Variants in NRK observed in about 807,000 individuals in gnomAD.
NRK encodes nik-related protein kinase.
In NRK, 67 loss-of-function variants were observed where a neutral mutation model predicts 125.2. The observed-to-expected ratio is 0.54, with a 90% CI of 0.44 to 0.66. NRK has a LOEUF of 0.66. NRK is among the 30% of genes least tolerant of loss of function. The probability of loss-of-function intolerance (pLI) is 0.00; values close to 1 mark genes in which losing one functional copy is unlikely to be tolerated. For missense variants in NRK, 1,224 were observed against 1,192.9 expected (o/e 1.03, Z -0.38); for synonymous variants, 458 against 429.0 (o/e 1.07, Z -0.84).
intron 2 of NRK, among the ~76,000 whole-genome samples, chrX:105,845,140 A>G (rs2147658465): frequency 8.9e-6 from 1 of 111,777 alleles, no homozygotes; most frequent in Non-Finnish European, 1.9e-5. Context: ...CTTGCCCTCT[A>G]TTTGCATTGA....
intron 16 of NRK, among the ~76,000 whole-genome samples, chrX:105,918,103 C>T: frequency 9.0e-6 from 1 of 111,031 alleles, no homozygotes; most frequent in Non-Finnish European, 1.9e-5. Context: ...CAAAATAGGA[C>T]AATATCTGAT....
intron 2 of NRK, among the ~76,000 whole-genome samples, chrX:105,860,756 C>T (rs1286611846): frequency 9.1e-6 from 1 of 110,395 alleles, no homozygotes; most frequent in African/African-American, 3.3e-5. Flanking sequence ...TTGCACCAAC[C>T]TAATAGTTTT....
intron 2 of NRK, 115 bp from the exon 3 acceptor site, chrX:105,880,084 A>G (rs2039866192): frequency 1.9e-5 from 5 of 269,457 alleles, no homozygotes; most frequent in African/African-American, 2.9e-5. Flanking sequence ...TATATTTTAT[A>G]TTTTATAACA....
intron 1 of NRK, among the ~76,000 whole-genome samples, chrX:105,823,180 A>AT (rs1187779509): frequency 3.6e-5 from 4 of 112,433 alleles, no homozygotes; most frequent in African/African-American, 1.3e-4. Flanking sequence ...ACAGCGGGGC[A>AT]TTTTAAATAT....
chrX:105,822,062 G>A (rs1169664289), upstream of NRK, among the ~76,000 whole-genome samples: 1 of 112,521 alleles, frequency 8.9e-6, no homozygotes, highest in Non-Finnish European at 1.9e-5. Flanking sequence ...AACTCGGTAG[G>A]TCTTTGCAAG....
intron 26 of NRK, among the ~76,000 whole-genome samples, chrX:105,947,323 G>T (rs2040827482): frequency 1.3e-5 from 1 of 75,453 alleles, no homozygotes; most frequent in Non-Finnish European, 2.3e-5. Context: ...GGCGCCTGTA[G>T]TCCCAGCTCC....
chrX:105,949,464 C>T (rs1602706253), intron 26 of NRK, 111 bp from the exon 27 acceptor site: 1 of 476,941 alleles, frequency 2.1e-6, no homozygotes, highest in Non-Finnish European at 3.5e-6. Context: ...GTTTCTCTTC[C>T]TCCTTGCTCT....
At chrX:105,911,897 TAA>T (rs955712202) in intron 13 of NRK, among the ~76,000 whole-genome samples, 4 of 111,640 alleles carry the variant, frequency 3.6e-5, no homozygotes, top group African/African-American at 1.3e-4. Flanking sequence ...CTAAAATTTT[TAA>T]AAGTCAATAA....
chrX:105,929,459 AC>A (rs2147777531), intron 19 of NRK, among the ~76,000 whole-genome samples: 1 of 109,401 alleles, frequency 9.1e-6, no homozygotes, highest in South Asian at 3.9e-4. Flanking sequence ...TTACTTTTTA[AC>A]TGTTCTACTA....
At chrX:105,844,662 CT>C (rs962583394) in intron 2 of NRK, among the ~76,000 whole-genome samples, 2 of 111,418 alleles carry the variant, frequency 1.8e-5, no homozygotes, top group Non-Finnish European at 3.8e-5. Flanking sequence ...ATTTCCTCTC[CT>C]TTTTTGAATC....
In NRK at chrX:105,852,011, T is replaced by A. The variant is rs186871804; in HGVS notation, c.123+20892T>A. 3.8e-3 allele frequency among the ~76,000 whole-genome samples: 430 copies of A among 112,136 alleles called. 3 individuals are homozygous for A. Among genetic ancestry groups the A allele is most frequent in the African/African-American group, 0.013 (403 of 30,917 alleles). Reference sequence around the variant, plus strand: ...GTGAAGAGAAAGCACACACTGTATATTCAAAGCAACTGTTCGAGTTTATTT... The same window carrying A: ...GTGAAGAGAAAGCACACACTGTATAATCAAAGCAACTGTTCGAGTTTATTT... On this transcript the variant is annotated intron_variant, in intron 2 of 28. Coordinates refer to ENST00000243300, the MANE Select transcript of NRK (RefSeq NM_198465.4).
intron 1 of NRK, among the ~76,000 whole-genome samples, chrX:105,828,291 A>G (rs2039142086): frequency 8.9e-6 from 1 of 111,988 alleles, no homozygotes; most frequent in Non-Finnish European, 1.9e-5. Flanking sequence ...AGTATGAAAG[A>G]TGGTTTGGTC....
chrX:105,853,056 G>A (rs990235145), intron 2 of NRK, among the ~76,000 whole-genome samples: 4 of 111,741 alleles, frequency 3.6e-5, no homozygotes, highest in East Asian at 2.8e-4. Context: ...TGTCCCTGTC[G>A]TCCTTGGAAT....
At position 105,906,404 on chromosome X, in the gene NRK, C is replaced by T. The variant is rs1313891278; in HGVS notation, c.846-10C>T. The T allele has an allele frequency of 9.0e-7, 1 of 1,116,725 alleles. No individual in the cohort carries two copies. The highest frequency in any genetic ancestry group is 1.8e-5 in the African/African-American group (1 of 54,839). The allele number at this position is 1,116,725 out of a possible 1,213,427, so 92.0% of individuals were successfully genotyped here. A position where few individuals can be genotyped will look rare whatever the true frequency, so the allele number is the denominator to read the frequency against. ...ACACTTTTTTTTCCTCTCTTTGACTCATTTTTTAGGTCCCGTAAGTTCCAC... is the reference window on the plus strand; with the variant it reads ...ACACTTTTTTTTCCTCTCTTTGACTTATTTTTTAGGTCCCGTAAGTTCCAC... On this transcript the variant is annotated splice_polypyrimidine_tract_variant and intron_variant, in intron 10 of 28. Coordinates refer to ENST00000243300, the MANE Select transcript of NRK (RefSeq NM_198465.4).
chrX:105,887,711 A>C (rs1042492742), intron 4 of NRK, among the ~76,000 whole-genome samples: 2 of 112,221 alleles, frequency 1.8e-5, no homozygotes, highest in Non-Finnish European at 3.8e-5. Context: ...AGACCATGTT[A>C]TATGATTTCA....
At chrX:105,885,839 T>C (rs968290790) in intron 4 of NRK, among the ~76,000 whole-genome samples, 2 of 112,152 alleles carry the variant, frequency 1.8e-5, no homozygotes, top group African/African-American at 6.5e-5. Flanking sequence ...TTTATAGAAT[T>C]TTTTTCAAAG....
At chrX:105,935,453 G>T in intron 21 of NRK, 128 bp downstream of exon 21, 2 of 458,110 alleles carry the variant, frequency 4.4e-6, no homozygotes, top group Non-Finnish European at 6.9e-6. Flanking sequence ...TAGTTAATTT[G>T]CTCAGAATTG....
chrX:105,840,199 T>C (rs1239370922), intron 2 of NRK, among the ~76,000 whole-genome samples: 1 of 111,645 alleles, frequency 9.0e-6, no homozygotes, highest in African/African-American at 3.2e-5. Flanking sequence ...CAATAAATCT[T>C]GAGGGAGGAT....
intron 26 of NRK, among the ~76,000 whole-genome samples, chrX:105,947,963 A>C (rs990266723): frequency 8.9e-6 from 1 of 112,197 alleles, no homozygotes; most frequent in African/African-American, 3.2e-5. Flanking sequence ...ATAATGTATA[A>C]AATACTGAAC....
Sources: gnomAD v4.1 joint callset for allele counts (sites outside exome capture counted in the v4.1 genomes callset) on GRCh38, gnomAD v4.1.1 for gene constraint, MANE v1.5 for transcripts, NCBI Gene and HGNC (gene_info 2026-07-23, HGNC 2026-07-21) for gene names.